Variants in MSR1 observed in about 807,000 individuals in gnomAD.
The protein encoded by MSR1 is macrophage scavenger receptor types I and II.
In MSR1, 53 loss-of-function variants were observed where a neutral mutation model predicts 47.2. The ratio of observed to expected loss-of-function variants is 1.12; its 90% CI spans 0.90 to 1.41. The LOEUF (loss-of-function observed/expected upper bound fraction) is 1.41, where lower values mean the gene tolerates loss of function less well. MSR1 is among the 40% of genes most tolerant of loss of function. The pLI is 0.00. For missense variants in MSR1, 786 were observed against 546.9 expected, an observed-to-expected ratio of 1.44 and a Z score of -4.36; for synonymous variants, 239 against 185.6, an observed-to-expected ratio of 1.29 and a Z score of -2.34.
In MSR1 at chr8:16,168,438, T is replaced by C; in HGVS notation, c.630+20A>G. ...TGGATTCAGTTCCAGCAAGTGACCTTGCAGTCCACAAACTCTTACCTCTTG... is the reference window on the plus strand; with the variant it reads ...TGGATTCAGTTCCAGCAAGTGACCTCGCAGTCCACAAACTCTTACCTCTTG... On this transcript the variant is annotated intron_variant, in intron 4 of 9. Transcript: ENST00000262101. The C allele has an allele frequency of 6.2e-7, 1 of 1,613,674 alleles. No homozygotes were observed. Among genetic ancestry groups the C allele is most frequent in the African/African-American group, 1.3e-5 (1 of 75,050 alleles).
chr8:16,110,110 T>A lies in MSR1; in HGVS notation c.1331A>T (p.Asp444Val). 1 of 1,613,708 alleles carries A rather than the reference T, an allele frequency of 6.2e-7. No homozygotes were observed. Among genetic ancestry groups the A allele is most frequent in the South Asian group, 1.1e-5 (1 of 91,076 alleles). ...TTATAAAGTGCAAGTGACTCCAGCA[T>A]CTTCAGAATGTGAACAGGCTCTTGT... is the stretch of plus-strand genomic sequence containing the variant. ...WGTRACSHSE[D>V]AGVTCTL Residue 444 changes from aspartate (D) to valine (V), a missense_variant, in exon 10 of 10, where the codon GAT (aspartate) becomes GTT (valine). Coordinates refer to ENST00000262101, the MANE Select transcript of MSR1 (RefSeq NM_138715.3).
chr8:16,155,048 G>A lies in MSR1; in HGVS notation c.898+16C>T, dbSNP rs781514744. The A allele has an allele frequency of 1.3e-6, 2 of 1,599,848 alleles. No individual in the cohort carries two copies. The highest frequency in any genetic ancestry group is 2.2e-5 in the South Asian group (2 of 90,744). On this transcript the variant is annotated intron_variant, in intron 6 of 9. Transcript: ENST00000262101. ...TATCTTCACAGTATATGATTAAATA[G>A]CTAAAATTACCATACCTATTGGACC...
intron 8 of MSR1, 79 bp from the exon 9 acceptor site, chr8:16,120,685 T>G: frequency 1.4e-6 from 2 of 1,468,212 alleles, no homozygotes; most frequent in Non-Finnish European, 1.8e-6. Flanking sequence ...TACAGCACTT[T>G]TTTTTTAAAC....
chr8:16,158,617 T>C (rs1014626390), intron 5 of MSR1, among the ~76,000 whole-genome samples: 2 of 151,988 alleles, frequency 1.3e-5, no homozygotes, highest in Non-Finnish European at 1.5e-5. Context: ...TATTGCTGCC[T>C]AAACCTGCTT....
chr8:16,180,342 G>A (rs76739187), intron 1 of MSR1, among the ~76,000 whole-genome samples: 1 of 152,100 alleles, frequency 6.6e-6, no homozygotes, highest in Non-Finnish European at 1.5e-5. Context: ...CATTGGAAAG[G>A]TTTGATAAAA....
intron 8 of MSR1, among the ~76,000 whole-genome samples, chr8:16,142,267 G>C (rs578007127): frequency 3.9e-5 from 6 of 152,260 alleles, no homozygotes; most frequent in South Asian, 2.1e-4. Flanking sequence ...GGAGGTGGAG[G>C]TTGCAGTGAG....
At chr8:16,130,583 C>T (rs1283829822) in intron 8 of MSR1, among the ~76,000 whole-genome samples, 2 of 151,932 alleles carry the variant, frequency 1.3e-5, no homozygotes, top group Non-Finnish European at 1.5e-5. Flanking sequence ...ATTTTGTCTT[C>T]GAGGTAATAA....
intron 9 of MSR1, among the ~76,000 whole-genome samples, chr8:16,111,306 T>A (rs1432333614): frequency 6.6e-6 from 1 of 152,224 alleles, no homozygotes; most frequent in Non-Finnish European, 1.5e-5. Flanking sequence ...ATCTATTATA[T>A]TTATTGTCAT....
In MSR1 at chr8:16,177,967, G is replaced by C; in HGVS notation, c.22C>G (p.His8Asp). Residue 8 changes from histidine (H) to aspartate (D), a missense_variant, in exon 2 of 10, where the codon CAC becomes GAC. Physicochemically the swap from His to Asp is moderately conservative, Grantham distance 81 (BLOSUM62 -1). Coordinates refer to ENST00000262101, the MANE Select transcript of MSR1 (RefSeq NM_138715.3). Reference protein sequence around the residue: MEQWDHFHNQQEDTDSCS... With the variant: MEQWDHFDNQQEDTDSCS... ...CTATCAGTGTCCTCCTGTTGATTGT[G>C]AAAGTGATCCCACTGCTCCATACTT... 1 of 1,613,786 alleles carries C rather than the reference G, an allele frequency of 6.2e-7. No homozygotes were observed. The highest frequency in any genetic ancestry group is 8.5e-7 in the Non-Finnish European group (1 of 1,179,856).
chr8:16,116,801 T>G (rs1167276483), intron 9 of MSR1, among the ~76,000 whole-genome samples: 2 of 152,156 alleles, frequency 1.3e-5, no homozygotes, highest in Non-Finnish European at 2.9e-5. Context: ...TTCTCACCTA[T>G]GTTTGTAACT....
rs376780351 is a variant in MSR1 at position 16,110,046 on chromosome 8, G to T, written c.*39C>A. On this transcript the variant is annotated 3_prime_UTR_variant, in exon 10 of 10. Transcript: ENST00000262101. ...GGAACAAGGTAATAAAATCATTTTT[G>T]AGCAGCGATTTCATAGTTGTGAATG... 14 of 1,610,578 alleles carry T rather than the reference G, an allele frequency of 8.7e-6. No homozygotes were observed. In the African/African-American group the frequency reaches 1.9e-4, roughly 22 times the overall value.
chr8:16,112,104 G>C (rs1415078351), intron 9 of MSR1, among the ~76,000 whole-genome samples: 1 of 152,098 alleles, frequency 6.6e-6, no homozygotes, highest in Non-Finnish European at 1.5e-5. Flanking sequence ...GGCATCTAGA[G>C]CCTCTGATTC....
chr8:16,114,533 G>A (rs558211979), intron 9 of MSR1, among the ~76,000 whole-genome samples: 26 of 152,088 alleles, frequency 1.7e-4, no homozygotes, highest in Non-Finnish European at 3.4e-4. Context: ...GGAGACCACA[G>A]GCACAATAGC....
At chr8:16,123,870 G>A (rs970062162) in intron 8 of MSR1, among the ~76,000 whole-genome samples, 1 of 152,082 alleles carries the variant, frequency 6.6e-6, no homozygotes, top group Non-Finnish European at 1.5e-5. Context: ...ATCTGCTTAG[G>A]AGTCTCCAAC....
At chr8:16,180,544 A>G (rs1172468287) in intron 1 of MSR1, among the ~76,000 whole-genome samples, 1 of 152,188 alleles carries the variant, frequency 6.6e-6, no homozygotes. Flanking sequence ...CAAATTTAGC[A>G]TAAAGCCAAC....
intron 6 of MSR1, among the ~76,000 whole-genome samples, chr8:16,153,019 C>T (rs1800902873): frequency 6.6e-6 from 1 of 151,938 alleles, no homozygotes; most frequent in Non-Finnish European, 1.5e-5. Context: ...ACATAATATC[C>T]ACCCTAGTAT....
At chr8:16,178,026 A>G in intron 1 of MSR1, 34 bp from the exon 2 acceptor site, 1 of 1,505,446 alleles carries the variant, frequency 6.6e-7, no homozygotes, top group Non-Finnish European at 9.2e-7. Context: ...TATTAATTCC[A>G]CATGAAATGG....
At chr8:16,117,314 T>G (rs1348642187) in intron 9 of MSR1, among the ~76,000 whole-genome samples, 1 of 152,132 alleles carries the variant, frequency 6.6e-6, no homozygotes, top group African/African-American at 2.4e-5. Flanking sequence ...TAATGTCTGA[T>G]GATCTGAGGT....
At chr8:16,167,472 G>A (rs1026694580) in intron 4 of MSR1, among the ~76,000 whole-genome samples, 1 of 152,160 alleles carries the variant, frequency 6.6e-6, no homozygotes, top group East Asian at 1.9e-4. Flanking sequence ...TTGAACCTGG[G>A]AGGCAGAGGT....
Sources: allele counts gnomAD v4.1 joint callset (sites outside exome capture counted in the v4.1 genomes callset), GRCh38; gene constraint gnomAD v4.1.1; transcripts MANE v1.5; gene names NCBI Gene and HGNC (gene_info 2026-07-23, HGNC 2026-07-21).